KCTD8: variants seen among roughly 807,000 people sequenced by gnomAD.
KCTD8 encodes potassium channel tetramerization domain containing 8.
In KCTD8, 27 loss-of-function variants were observed where a neutral mutation model predicts 31.5. The observed-to-expected ratio is 0.86, with a 90% CI of 0.63 to 1.18. KCTD8 has a LOEUF of 1.18. Among genes scored for constraint, KCTD8 ranks in the 50% most tolerant of loss-of-function variants. The probability of loss-of-function intolerance (pLI) is 0.00; values close to 1 mark genes in which losing one functional copy is unlikely to be tolerated. For synonymous variants in KCTD8, 290 were observed against 280.0 expected (o/e 1.04, Z -0.36); for missense variants, 658 against 647.7 (o/e 1.02, Z -0.17).
chr4:44,376,533 T>C (rs1335163595), intron 1 of KCTD8, among the ~76,000 whole-genome samples: 1 of 152,200 alleles, frequency 6.6e-6, no homozygotes, highest in East Asian at 1.9e-4. Context: ...ACTGTTGATG[T>C]TTTCTACTGG....
intron 1 of KCTD8, among the ~76,000 whole-genome samples, chr4:44,269,670 C>T (rs1716515542): frequency 6.6e-6 from 1 of 152,142 alleles, no homozygotes; most frequent in African/African-American, 2.4e-5. Flanking sequence ...CCAGAATCTA[C>T]AATGAACTCA....
intron 1 of KCTD8, among the ~76,000 whole-genome samples, chr4:44,389,735 T>A (rs887057586): frequency 6.6e-6 from 1 of 151,880 alleles, no homozygotes; most frequent in Non-Finnish European, 1.5e-5. Flanking sequence ...GATGGTAAAT[T>A]TTATGTGTAT....
intron 1 of KCTD8, among the ~76,000 whole-genome samples, chr4:44,326,496 G>A: frequency 6.6e-6 from 1 of 151,676 alleles, no homozygotes; most frequent in East Asian, 1.9e-4. Context: ...TAACCTGAAG[G>A]GTTAGAGCAT....
At chr4:44,176,151 G>T (rs751169509) in intron 1 of KCTD8, among the ~76,000 whole-genome samples, 1 of 152,146 alleles carries the variant, frequency 6.6e-6, no homozygotes, top group African/African-American at 2.4e-5. Context: ...ACAATTCAGA[G>T]ATCTAAATTA....
At chr4:44,415,827 G>T (rs1721067118) in intron 1 of KCTD8, among the ~76,000 whole-genome samples, 1 of 152,208 alleles carries the variant, frequency 6.6e-6, no homozygotes, top group South Asian at 2.1e-4. Flanking sequence ...CAGGGGTGAA[G>T]CACCCACAAA....
At chr4:44,245,021 T>C (rs947045875) in intron 1 of KCTD8, among the ~76,000 whole-genome samples, 1 of 152,176 alleles carries the variant, frequency 6.6e-6, no homozygotes, top group African/African-American at 2.4e-5. Flanking sequence ...TTTAAGCACA[T>C]ACTTTATTTC....
At position 44,421,256 on chromosome 4, in the gene KCTD8, C is replaced by A. The variant is rs111643221; in HGVS notation, c.961+26307G>T. Among the ~76,000 whole-genome samples, 513 of 152,138 alleles carry A rather than the reference C, an allele frequency of 3.4e-3. 5 individuals carry two copies. The highest frequency in any genetic ancestry group is 2.8e-3 in the Non-Finnish European group (188 of 67,978). On this transcript the variant is annotated intron_variant, in intron 1 of 1. Transcript: ENST00000360029. The stretch of plus-strand genomic sequence containing the variant: ...AAAACTTTAAAGACTTCGAAAGAGA[C>A]ACATACATGAAAATTTTATCATTTT...
chr4:44,184,971 T>C (rs1025767510), intron 1 of KCTD8, among the ~76,000 whole-genome samples: 1 of 152,178 alleles, frequency 6.6e-6, no homozygotes, highest in Non-Finnish European at 1.5e-5. Context: ...ACTATAATAG[T>C]AATGTGCATA....
At chr4:44,406,702 T>C (rs1577658502) in intron 1 of KCTD8, among the ~76,000 whole-genome samples, 2 of 152,144 alleles carry the variant, frequency 1.3e-5, no homozygotes, top group Non-Finnish European at 2.9e-5. Context: ...GAGCATAAAT[T>C]TCTATAGGAA....
intron 1 of KCTD8, among the ~76,000 whole-genome samples, chr4:44,214,045 T>C (rs549294991): frequency 6.6e-6 from 1 of 152,276 alleles, no homozygotes; most frequent in South Asian, 2.1e-4. Context: ...TCACCATACA[T>C]TTCTTCCCTT....
At chr4:44,252,307 G>T (rs1175498172) in intron 1 of KCTD8, among the ~76,000 whole-genome samples, 1 of 151,692 alleles carries the variant, frequency 6.6e-6, no homozygotes, top group East Asian at 1.9e-4. Context: ...ATCACAAATT[G>T]TGCTGCTATA....
At chr4:44,224,204 T>G (rs1475113681) in intron 1 of KCTD8, among the ~76,000 whole-genome samples, 1 of 152,224 alleles carries the variant, frequency 6.6e-6, no homozygotes, top group Non-Finnish European at 1.5e-5. Flanking sequence ...TACTGCCTTA[T>G]GAATAAAATA....
intron 1 of KCTD8, among the ~76,000 whole-genome samples, chr4:44,380,348 A>G (rs935430896): frequency 6.6e-6 from 1 of 151,722 alleles, no homozygotes; most frequent in Non-Finnish European, 1.5e-5. Flanking sequence ...AAGTAAATCT[A>G]TTAAATAGTT....
chr4:44,194,064 G>C (rs921763840), intron 1 of KCTD8, among the ~76,000 whole-genome samples: 2 of 152,008 alleles, frequency 1.3e-5, no homozygotes, highest in Admixed American at 1.3e-4. Context: ...GACTTGTCAG[G>C]TACCATAATT....
intron 1 of KCTD8, among the ~76,000 whole-genome samples, chr4:44,222,210 G>A (rs1714827710): frequency 1.3e-5 from 2 of 152,106 alleles, no homozygotes; most frequent in African/African-American, 4.8e-5. Flanking sequence ...ATGCAAGTAT[G>A]GAAGCTGATG....
At chr4:44,332,445 A>G (rs1401409908) in intron 1 of KCTD8, among the ~76,000 whole-genome samples, 2 of 151,922 alleles carry the variant, frequency 1.3e-5, no homozygotes, top group African/African-American at 4.8e-5. Flanking sequence ...CTGCCTACAA[A>G]TTTCAGTCTT....
intron 1 of KCTD8, among the ~76,000 whole-genome samples, chr4:44,268,526 A>G (rs959234223): frequency 1.1e-4 from 16 of 152,218 alleles, no homozygotes; most frequent in African/African-American, 3.6e-4. Context: ...TCAACACAGT[A>G]TTGGAAGTTC....
At chr4:44,429,246 C>T (rs564841841) in intron 1 of KCTD8, among the ~76,000 whole-genome samples, 9 of 151,866 alleles carry the variant, frequency 5.9e-5, no homozygotes, top group Admixed American at 3.3e-4. Flanking sequence ...CATTGGTCCA[C>T]GCTTTTGTAC....
At chr4:44,408,807 C>T (rs1011781261) in intron 1 of KCTD8, among the ~76,000 whole-genome samples, 1 of 151,894 alleles carries the variant, frequency 6.6e-6, no homozygotes, top group Non-Finnish European at 1.5e-5. Flanking sequence ...TTAGTAGAGA[C>T]GGGTTTTCAC....
Sources: allele counts gnomAD v4.1 joint callset (sites outside exome capture counted in the v4.1 genomes callset), GRCh38; gene constraint gnomAD v4.1.1; transcripts MANE v1.5; gene names NCBI Gene and HGNC (gene_info 2026-07-23, HGNC 2026-07-21).